The following RGS10 variants were observed in gnomAD, a reference collection of about 807,000 sequenced individuals.
RGS10 encodes regulator of G-protein signalling 10.
RGS10 carries 11 observed loss-of-function variants against 23.5 expected under a neutral mutation model. That is an observed-to-expected ratio of 0.47 (90% confidence interval 0.29 to 0.77). The LOEUF is 0.77. RGS10 is among the 30% of genes least tolerant of loss of function. The probability of loss-of-function intolerance (pLI) is 0.08; values close to 1 mark genes in which losing one functional copy is unlikely to be tolerated. For synonymous variants in RGS10, 77 were observed against 83.2 expected (o/e 0.92, Z 0.41); for missense variants, 180 against 226.3 (o/e 0.80, Z 1.31).
At chr10:119,525,896 A>C (rs2133956182) in intron 3 of RGS10, 136 bp downstream of exon 3, 1 of 487,918 alleles carries the variant, frequency 2.0e-6, no homozygotes, top group Non-Finnish European at 3.7e-6. Flanking sequence ...TTTGATCAAC[A>C]CAAGATACCT....
chr10:119,500,513 T>C (rs1843940831), intron 4 of RGS10, among the ~76,000 whole-genome samples: 2 of 152,010 alleles, frequency 1.3e-5, no homozygotes, highest in African/African-American at 4.8e-5. Flanking sequence ...CACGGAAATA[T>C]AGATTCACAC....
intron 1 of RGS10, among the ~76,000 whole-genome samples, chr10:119,530,154 T>C (rs1209367430): frequency 6.6e-6 from 1 of 152,134 alleles, no homozygotes; most frequent in Non-Finnish European, 1.5e-5. Context: ...TTTTTTTAAA[T>C]AAAGTCTCAT....
chr10:119,518,521 T>C (rs1844171879), intron 3 of RGS10, among the ~76,000 whole-genome samples: 1 of 152,146 alleles, frequency 6.6e-6, no homozygotes, highest in East Asian at 1.9e-4. Flanking sequence ...TTCACTTTCC[T>C]ATCAGCCCCA....
intron 4 of RGS10, among the ~76,000 whole-genome samples, chr10:119,504,183 T>C (rs1417561105): frequency 3.3e-5 from 5 of 152,214 alleles, no homozygotes; most frequent in Admixed American, 6.5e-5. Flanking sequence ...ATACGTTCTT[T>C]TTTGTTGTTG....
chr10:119,513,510 G>GA (rs143891887), intron 4 of RGS10, among the ~76,000 whole-genome samples: 17,844 of 147,294 alleles, frequency 0.12, 1,206 homozygotes, highest in Middle Eastern at 0.17. Flanking sequence ...CATTAAAAAA[G>GA]AAAAAAAAAA....
At chr10:119,502,395 A>G (rs571075202) in intron 4 of RGS10, among the ~76,000 whole-genome samples, 22 of 152,314 alleles carry the variant, frequency 1.4e-4, no homozygotes, top group African/African-American at 5.1e-4. Flanking sequence ...CCTGGCACCC[A>G]GCCTCAGTCC....
At chr10:119,525,491 C>T (rs552611355) in intron 3 of RGS10, among the ~76,000 whole-genome samples, 1 of 152,304 alleles carries the variant, frequency 6.6e-6, no homozygotes, top group South Asian at 2.1e-4. Flanking sequence ...GGCCTCCTTC[C>T]CCATAATCTC....
In RGS10 at chr10:119,515,649, G is replaced by T; in HGVS notation, c.259C>A (p.Gln87Lys). ...ATGTAGATCTCCTTTGCCTTTTCCT[G>T]CATCTGGAGGAGACAGATGGGGCCT... ...FKKMQDKTQM[Q>K]EKAKEIYMTF... The change falls in exon 4 of 5, where the codon CAG (glutamine) becomes AAG (lysine). Residue 87 changes from glutamine to lysine, a missense_variant. Coordinates refer to ENST00000369103, the MANE Select transcript of RGS10 (RefSeq NM_001005339.2). The T allele has an allele frequency of 1.2e-6, 2 of 1,611,638 alleles. No individual in the cohort carries two copies. The highest frequency in any genetic ancestry group is 1.7e-6 in the Non-Finnish European group (2 of 1,179,162).
In RGS10 at chr10:119,500,122, A is replaced by G. The variant is rs146718545; in HGVS notation, c.537T>C (p.Tyr179=). The G allele has an allele frequency of 6.2e-7, 1 of 1,613,462 alleles. No individual in the cohort carries two copies. The highest frequency in any genetic ancestry group is 1.3e-5 in the African/African-American group (1 of 74,904). Residue 179 remains tyrosine, a synonymous_variant, in exon 5 of 5, where the codon TAT becomes TAC. Coordinates refer to ENST00000369103, the MANE Select transcript of RGS10 (RefSeq NM_001005339.2). ...QTAAKRASRI[Y]NT ...CCGGCTTTTTGGGGGCTCATGTGTT[A>G]TAAATTCTGGAAGCTCTTTTAGCTG...
chr10:119,504,356 A>G (rs914397491), intron 4 of RGS10, among the ~76,000 whole-genome samples: 4 of 152,142 alleles, frequency 2.6e-5, no homozygotes, highest in African/African-American at 9.7e-5. Flanking sequence ...CACCCAGCTA[A>G]GTAGAGACGG....
intron 4 of RGS10, among the ~76,000 whole-genome samples, chr10:119,512,554 AT>A (rs1554857288): frequency 6.8e-6 from 1 of 146,448 alleles, no homozygotes; most frequent in African/African-American, 2.5e-5. Context: ...ATTAAAAAAA[AT>A]TTTTTTTTTT....
rs1843933908 is a variant in RGS10, at chr10:119,500,054, CG to C, written c.*58del. The stretch of plus-strand genomic sequence containing the variant: ...TAACAAAGCAATGATAAACCCGGCA[CG>C]GTCCTGAGAGGAAATTCCTTTGCTT... On this transcript the variant is annotated 3_prime_UTR_variant, in exon 5 of 5. Coordinates refer to ENST00000369103, the MANE Select transcript of RGS10 (RefSeq NM_001005339.2). The C allele has an allele frequency of 1.3e-6, 2 of 1,564,800 alleles. No individual in the cohort carries two copies. The highest frequency in any genetic ancestry group is 1.7e-6 in the Non-Finnish European group (2 of 1,150,518).
chr10:119,519,567 GTCTGTCTCCCAGCT>G (rs1844188679), intron 3 of RGS10, among the ~76,000 whole-genome samples: 1 of 97,066 alleles, frequency 1.0e-5, no homozygotes, highest in Admixed American at 1.2e-4. Context: ...GTCTCCCTGT[GTCTGTCTCCCAGCT>G]TCTGTCTCCC....
intron 1 of RGS10, among the ~76,000 whole-genome samples, chr10:119,529,907 C>A (rs1844315439): frequency 6.6e-6 from 1 of 152,038 alleles, no homozygotes; most frequent in South Asian, 2.1e-4. Flanking sequence ...TCATGGCCAA[C>A]ATGGTGAAAC....
chr10:119,510,030 G>A (rs1205475594), intron 4 of RGS10, among the ~76,000 whole-genome samples: 2 of 152,152 alleles, frequency 1.3e-5, no homozygotes, highest in Admixed American at 1.3e-4. Context: ...CAGTCAGGAG[G>A]TCAGGGTTTC....
Position 119,500,038 on chromosome 10 carries a change from A to T in RGS10, c.*75T>A. On this transcript the variant is annotated 3_prime_UTR_variant, in exon 5 of 5. Transcript: ENST00000369103. ...TTTCAGTCCTTACAAATAACAAAGCAATGATAAACCCGGCACGGTCCTGAG... is the reference window on the plus strand; with the variant it reads ...TTTCAGTCCTTACAAATAACAAAGCTATGATAAACCCGGCACGGTCCTGAG... The T allele has an allele frequency of 6.8e-7, 1 of 1,479,176 alleles. No homozygotes were observed. Among genetic ancestry groups the T allele is most frequent in the East Asian group, 2.3e-5 (1 of 43,878 alleles). The allele number at this position is 1,479,176 out of a possible 1,614,324, so 91.6% of individuals were successfully genotyped here.
chr10:119,505,095 G>A lies in RGS10; in HGVS notation c.400-4836C>T, dbSNP rs117372294. 5.4e-4 allele frequency among the ~76,000 whole-genome samples: 82 copies of A among 152,204 alleles called. No individual in the cohort carries two copies. The East Asian group carries it at 0.01, about 19-fold the overall frequency. On this transcript the variant is annotated intron_variant, in intron 4 of 4. Transcript: ENST00000369103. ...CCAACAAGCAGGGATCCCTGAGGGG[G>A]AGACATGACCTCACCAGGTTTGGAC...
rs374820692 is a variant in RGS10 at position 119,526,106 on chromosome 10, T to C, written c.181A>G (p.Lys61Glu). 4 of 1,547,574 alleles carry C rather than the reference T, an allele frequency of 2.6e-6. No individual in the cohort carries two copies. In the African/African-American group the frequency reaches 4.1e-5, roughly 16 times the overall value. ...AAAACATTTTCTTCACTGAATTCCTTTTTTAAAAATTCCTGTGGATACAAA... is the reference window on the plus strand; with the variant it reads ...AAAACATTTTCTTCACTGAATTCCTCTTTTAAAAATTCCTGTGGATACAAA... The part of the protein sequence containing the change: ...GVKRFREFLK[K>E]EFSEENVLFW... Residue 61 changes from lysine (K) to glutamate (E), a missense_variant, in exon 3 of 5, where the codon AAG (lysine) becomes GAG (glutamate). Transcript: ENST00000369103.
At chr10:119,529,190 C>T (rs1439869272) in intron 1 of RGS10, among the ~76,000 whole-genome samples, 2 of 152,134 alleles carry the variant, frequency 1.3e-5, no homozygotes, top group Non-Finnish European at 2.9e-5. Flanking sequence ...CGGTGGCTCA[C>T]GCCTGTAATC....
Sources: allele counts gnomAD v4.1 joint callset (sites outside exome capture counted in the v4.1 genomes callset), GRCh38; gene constraint gnomAD v4.1.1; transcripts MANE v1.5; gene names NCBI Gene and HGNC (gene_info 2026-07-23, HGNC 2026-07-21).